The following LPXN variants were observed in gnomAD, a reference collection of about 807,000 sequenced individuals.
LPXN encodes leupaxin.
A neutral mutation model predicts 45.6 loss-of-function variants in LPXN; 28 were observed. The ratio of observed to expected loss-of-function variants is 0.61; its 90% CI spans 0.45 to 0.84. The LOEUF is 0.84. LPXN is among the 40% of genes least tolerant of loss of function. The pLI, the probability that LPXN is intolerant of heterozygous loss-of-function variation, is 0.00. For synonymous variants in LPXN, 166 were observed against 169.9 expected, an observed-to-expected ratio of 0.98 and a Z score of 0.18; for missense variants, 459 against 475.0, an observed-to-expected ratio of 0.97 and a Z score of 0.31.
At chr11:58,545,851 T>C (rs2120289330) in intron 7 of LPXN, among the ~76,000 whole-genome samples, 1 of 152,320 alleles carries the variant, frequency 6.6e-6, no homozygotes, top group East Asian at 1.9e-4. Context: ...TTTACCTACC[T>C]GAGACTCATC....
rs1347699309 is a variant in LPXN at position 58,528,060 on chromosome 11, C to G, written c.874G>C (p.Glu292Gln). The change falls in exon 8 of 9, where the codon GAG becomes CAG. Residue 292 changes from glutamate (E) to glutamine (Q), a missense_variant. By Grantham distance (29) the Glu-to-Gln change is conservative. Coordinates refer to ENST00000395074, the MANE Select transcript of LPXN (RefSeq NM_004811.3). The part of the protein sequence containing the change: ...LSAMDTVWHP[E>Q]CFVCGDCFTS... ...ATACAGACCCCACAAACAAAGCACT[C>G]TGGGTGCCAGACAGTGTCCATGGCT... 6.2e-7 allele frequency: 1 copy of G among 1,614,142 alleles called. No individual in the cohort carries two copies.
chr11:58,540,921 C>CA (rs1853698484), intron 7 of LPXN, among the ~76,000 whole-genome samples: 1 of 152,042 alleles, frequency 6.6e-6, no homozygotes, highest in Admixed American at 6.6e-5. Flanking sequence ...ACAAACCTGA[C>CA]AAAAACAAGC....
upstream of LPXN, chr11:58,578,197 G>A (rs1363230709): frequency 5.9e-6 from 6 of 1,021,502 alleles, no homozygotes; most frequent in Middle Eastern, 3.4e-4. Flanking sequence ...ACCAGCAATT[G>A]GCTCGACGCT....
At chr11:58,578,645 G>A (rs186784762), upstream of LPXN, among the ~76,000 whole-genome samples, 4 of 152,310 alleles carry the variant, frequency 2.6e-5, no homozygotes, top group Admixed American at 2.0e-4. Flanking sequence ...GGAGGCGGAA[G>A]AACGCCCAGG....
intron 7 of LPXN, among the ~76,000 whole-genome samples, chr11:58,541,956 C>T (rs931070890): frequency 6.6e-6 from 1 of 151,620 alleles, no homozygotes; most frequent in Non-Finnish European, 1.5e-5. Context: ...AACCAAACAC[C>T]GCATGTTCTC....
intron 3 of LPXN, 59 bp from the exon 4 acceptor site, chr11:58,554,999 C>T: frequency 9.0e-7 from 1 of 1,115,208 alleles, no homozygotes; most frequent in South Asian, 1.3e-5. Flanking sequence ...AATGTTAAAC[C>T]ACACATAAAG....
chr11:58,561,544 T>C (rs1271217137), intron 3 of LPXN, among the ~76,000 whole-genome samples: 1 of 152,210 alleles, frequency 6.6e-6, no homozygotes, highest in Non-Finnish European at 1.5e-5. Context: ...ACTGGAGCTT[T>C]TTCTCACAGC....
At chr11:58,575,145 AAGG>A (rs1232180137) in intron 1 of LPXN, among the ~76,000 whole-genome samples, 10 of 152,216 alleles carry the variant, frequency 6.6e-5, no homozygotes, top group African/African-American at 9.6e-5. Flanking sequence ...CTTAGAGTGG[AAGG>A]AGGTGTCATA....
Position 58,570,647 on chromosome 11 carries a change from G to T in LPXN, c.80C>A (p.Pro27His). The change falls in exon 2 of 9, where the codon CCT becomes CAT. Residue 27 changes from proline to histidine, a missense_variant. Coordinates refer to ENST00000395074, the MANE Select transcript of LPXN (RefSeq NM_004811.3). ...TCTGGAATGCTGATCCAGGGGAAGAGGAGCTGGGTTGGAATATTCATCACT... is the reference window on the plus strand; with the variant it reads ...TCTGGAATGCTGATCCAGGGGAAGATGAGCTGGGTTGGAATATTCATCACT... ...QDSDEYSNPAPLPLDQHSRKE... is the reference protein window; with the variant it reads ...QDSDEYSNPAHLPLDQHSRKE... The T allele has an allele frequency of 6.2e-7, 1 of 1,613,904 alleles. No homozygotes were observed. Among genetic ancestry groups the T allele is most frequent in the Non-Finnish European group, 8.5e-7 (1 of 1,179,924 alleles).
chr11:58,528,750 A>G (rs1174802492), intron 7 of LPXN, among the ~76,000 whole-genome samples: 1 of 152,240 alleles, frequency 6.6e-6, no homozygotes, highest in East Asian at 1.9e-4. Context: ...AAAATAAAAT[A>G]CTACTAAATA....
At chr11:58,562,663 A>C (rs940056370) in intron 3 of LPXN, among the ~76,000 whole-genome samples, 1 of 152,196 alleles carries the variant, frequency 6.6e-6, no homozygotes, top group African/African-American at 2.4e-5. Flanking sequence ...CCTAAGCCAA[A>C]GGGAAAAAGA....
intron 2 of LPXN, among the ~76,000 whole-genome samples, chr11:58,565,496 T>C (rs554710586): frequency 6.6e-6 from 1 of 151,152 alleles, no homozygotes; most frequent in East Asian, 2.0e-4. Context: ...ATCATGCCAC[T>C]GCACTCCAGC....
chr11:58,552,074 G>A (rs757237408), intron 4 of LPXN, among the ~76,000 whole-genome samples: 3 of 152,156 alleles, frequency 2.0e-5, no homozygotes, highest in Non-Finnish European at 4.4e-5. Context: ...GGTGATGGAA[G>A]CCATTGCAGG....
chr11:58,536,127 A>G (rs1279434263), intron 7 of LPXN, among the ~76,000 whole-genome samples: 1 of 152,224 alleles, frequency 6.6e-6, no homozygotes, highest in African/African-American at 2.4e-5. Flanking sequence ...TCAAGCTACC[A>G]TTGACTTTCT....
At chr11:58,532,782 G>C (rs1202473694) in intron 7 of LPXN, among the ~76,000 whole-genome samples, 2 of 152,320 alleles carry the variant, frequency 1.3e-5, no homozygotes, top group East Asian at 3.9e-4. Context: ...ATAAAAGCAG[G>C]CTGCCCGAGC....
Position 58,575,850 on chromosome 11 carries a change from A to G in LPXN, c.-78T>C. On this transcript the variant is annotated 5_prime_UTR_variant, in exon 1 of 9. Transcript: ENST00000395074. ...CATGTGCTGAAGAAGAGGACCGCAA[A>G]GGAACTGGATGAGACAGCATAAGGC... 1 of 1,613,948 alleles carries G rather than the reference A, an allele frequency of 6.2e-7. No individual in the cohort carries two copies. The highest frequency in any genetic ancestry group is 1.1e-5 in the South Asian group (1 of 91,064).
chr11:58,572,971 A>G (rs1440028665), intron 1 of LPXN, among the ~76,000 whole-genome samples: 3 of 152,236 alleles, frequency 2.0e-5, no homozygotes, highest in Admixed American at 2.0e-4. Context: ...TAGGCCGGGC[A>G]TGGTGGCTCA....
intron 7 of LPXN, among the ~76,000 whole-genome samples, chr11:58,543,988 G>C (rs1853808412): frequency 1.3e-5 from 2 of 152,100 alleles, no homozygotes; most frequent in South Asian, 4.1e-4. Flanking sequence ...CACATGCCTT[G>C]CTTTGTTCAA....
At chr11:58,530,265 C>T (rs1267445417) in intron 7 of LPXN, among the ~76,000 whole-genome samples, 1 of 152,202 alleles carries the variant, frequency 6.6e-6, no homozygotes, top group Non-Finnish European at 1.5e-5. Flanking sequence ...GTAGGTCCCA[C>T]CCCCATGGAG....
Sources: gnomAD v4.1 joint callset for allele counts (sites outside exome capture counted in the v4.1 genomes callset) on GRCh38, gnomAD v4.1.1 for gene constraint, MANE v1.5 for transcripts, NCBI Gene and HGNC (gene_info 2026-07-23, HGNC 2026-07-21) for gene names.